The following TBC1D1 variants were observed in gnomAD, a reference collection of about 807,000 sequenced individuals.
TBC1D1 encodes the protein TBC1 domain family member 1, also known as TBC1 (tre-2/USP6, BUB2, cdc16) domain family, member 1.
In TBC1D1, 89 loss-of-function variants were observed where a neutral mutation model predicts 125.6. The ratio of observed to expected loss-of-function variants is 0.71; its 90% confidence interval spans 0.60 to 0.85. The LOEUF (loss-of-function observed/expected upper bound fraction) is 0.85, where lower values mean the gene tolerates loss of function less well. TBC1D1 is among the 40% of genes least tolerant of loss of function. TBC1D1 has a pLI of 0.00. For synonymous variants in TBC1D1, 565 were observed against 564.1 expected, an observed-to-expected ratio of 1.00 and a Z score of -0.02; for missense variants, 1,377 against 1,469.2, an observed-to-expected ratio of 0.94 and a Z score of 1.03.
chr4:38,032,751 C>T (rs543934347), intron 7 of TBC1D1, among the ~76,000 whole-genome samples: 3 of 150,346 alleles, frequency 2.0e-5, no homozygotes, highest in South Asian at 2.1e-4. Flanking sequence ...AGGAGAATGG[C>T]GTGAACCTGG....
At chr4:37,968,924 C>A (rs1436669530) in intron 2 of TBC1D1, among the ~76,000 whole-genome samples, 2 of 152,120 alleles carry the variant, frequency 1.3e-5, no homozygotes, top group African/African-American at 4.8e-5. Context: ...CAAGTCTCTG[C>A]CCAGCTAGTA....
intron 7 of TBC1D1, among the ~76,000 whole-genome samples, chr4:38,031,454 C>CT (rs955725540): frequency 2.0e-5 from 3 of 152,072 alleles, no homozygotes; most frequent in African/African-American, 2.4e-5. Flanking sequence ...AGACTGAAAA[C>CT]TTTAAGTTTT....
intron 14 of TBC1D1, among the ~76,000 whole-genome samples, chr4:38,101,647 C>T (rs1473107336): frequency 6.6e-6 from 1 of 152,198 alleles, no homozygotes; most frequent in African/African-American, 2.4e-5. Flanking sequence ...CCTCTGGGCT[C>T]TTCTTGCAGC....
chr4:38,021,127 G>A (rs1039286265), intron 5 of TBC1D1, among the ~76,000 whole-genome samples: 16 of 152,208 alleles, frequency 1.1e-4, no homozygotes, highest in East Asian at 3.9e-4. Flanking sequence ...CAATCATGGC[G>A]GAAGGTGAAG....
At chr4:38,087,325 T>A (rs1010447280) in intron 12 of TBC1D1, among the ~76,000 whole-genome samples, 1 of 152,210 alleles carries the variant, frequency 6.6e-6, no homozygotes, top group Non-Finnish European at 1.5e-5. Context: ...GTAGCCCAAG[T>A]GGCAGAGAGT....
At position 37,954,301 on chromosome 4, in the gene TBC1D1, C is replaced by T. The variant is rs977000608; in HGVS notation, c.417+51789C>T. Among the ~76,000 whole-genome samples the T allele has an allele frequency of 2.6e-5, 4 of 151,844 alleles. No individual in the cohort carries two copies. The East Asian group carries it at 7.7e-4, about 29-fold the overall frequency. ...GACTTTTTTTTCTCTTTTAACCTTT[C>T]CTATGGTACTGAACATGTTGACTTT... On this transcript the variant is annotated intron_variant, in intron 2 of 19. Transcript: ENST00000261439.
intron 10 of TBC1D1, among the ~76,000 whole-genome samples, chr4:38,048,769 A>T (rs1181149707): frequency 1.3e-5 from 2 of 152,186 alleles, no homozygotes; most frequent in Non-Finnish European, 2.9e-5. Flanking sequence ...TATATTGGCC[A>T]CTAGCCACGT....
chr4:38,012,331 A>T (rs950972479), intron 2 of TBC1D1, among the ~76,000 whole-genome samples: 2 of 152,072 alleles, frequency 1.3e-5, no homozygotes, highest in Non-Finnish European at 2.9e-5. Context: ...CCCAGGCTGG[A>T]GTGCAGTGGT....
intron 12 of TBC1D1, among the ~76,000 whole-genome samples, chr4:38,076,213 A>T (rs576446193): frequency 6.6e-6 from 1 of 152,320 alleles, no homozygotes; most frequent in Admixed American, 6.5e-5. Context: ...AGGAGAGAGA[A>T]GTGCCGAGCA....
intron 2 of TBC1D1, among the ~76,000 whole-genome samples, chr4:37,963,089 T>A (rs2152334648): frequency 6.6e-6 from 1 of 152,304 alleles, no homozygotes; most frequent in Admixed American, 6.5e-5. Flanking sequence ...TCTGCTACAG[T>A]CCATAAAAAT....
chr4:37,968,905 T>C (rs1258152142), intron 2 of TBC1D1, among the ~76,000 whole-genome samples: 1 of 152,200 alleles, frequency 6.6e-6, no homozygotes, highest in Non-Finnish European at 1.5e-5. Flanking sequence ...AAGTGATGCT[T>C]GTGTGTACCA....
chr4:38,030,572 A>G (rs1222218927), intron 7 of TBC1D1: 1 of 152,234 alleles, frequency 6.6e-6, no homozygotes, highest in African/African-American at 2.4e-5. Context: ...GTTTTATAAA[A>G]CATTTTATAA....
chr4:38,125,209 C>A, intron 18 of TBC1D1, 78 bp downstream of exon 20: 1 of 1,407,542 alleles, frequency 7.1e-7, no homozygotes, highest in Non-Finnish European at 9.8e-7. Flanking sequence ...TGAGCAGGAA[C>A]TGTTTCCTAC....
chr4:38,054,438 C>T, intron 12 of TBC1D1, 100 bp downstream of exon 14: 1 of 1,477,586 alleles, frequency 6.8e-7, no homozygotes. Flanking sequence ...CCGTCCTCTT[C>T]AGTATTGGCA....
In TBC1D1 at chr4:38,118,371, T is replaced by C. The variant is rs1763313391; in HGVS notation, c.2962+179T>C. 6 of 640,558 alleles carry C rather than the reference T, an allele frequency of 9.4e-6. No individual in the cohort carries two copies. The South Asian group carries it at 1.2e-4, about 13-fold the overall frequency. 39.7% of individuals were successfully genotyped at this position (640,558 alleles called of 1,614,324 possible). A position where few individuals can be genotyped will look rare whatever the true frequency, so the allele number is the denominator to read the frequency against. ...TTGTGACTTTGGAGTCCTCCTTAAC[T>C]TCTGATAATCACGGGGCTTCCCTAG... is the stretch of plus-strand genomic sequence containing the variant. On this transcript the variant is annotated intron_variant, in intron 17 of 19. Coordinates refer to ENST00000261439, the MANE Select transcript of TBC1D1 (RefSeq NM_015173.4).
At chr4:38,117,456 C>T (rs981975385) in intron 16 of TBC1D1, among the ~76,000 whole-genome samples, 2 of 152,178 alleles carry the variant, frequency 1.3e-5, no homozygotes, top group African/African-American at 4.8e-5. Context: ...GTTTTTATTT[C>T]ATCTTAAGAT....
intron 2 of TBC1D1, among the ~76,000 whole-genome samples, chr4:37,909,545 G>T (rs562084892): frequency 1.3e-5 from 2 of 151,946 alleles, no homozygotes; most frequent in Non-Finnish European, 1.5e-5. Context: ...TTCTTTCTTC[G>T]CTAGAGTGAA....
At chr4:38,106,832 G>T (rs745715601) in intron 15 of TBC1D1, among the ~76,000 whole-genome samples, 7 of 152,166 alleles carry the variant, frequency 4.6e-5, no homozygotes, top group Non-Finnish European at 1.0e-4. Context: ...GGCACTGTGT[G>T]TGCCTGAGCC....
Position 38,138,938 on chromosome 4 carries a change from G to C in TBC1D1, c.*1603G>C, listed in dbSNP as rs535893279. ...AGACTTCCTCCTGTTCCCTGGGTCA[G>C]AGGATAGCGGTTTCCATCATAAACC... On this transcript the variant is annotated 3_prime_UTR_variant, in exon 20 of 20. Transcript: ENST00000261439. The C allele has an allele frequency of 6.5e-6, 1 of 152,748 alleles. No homozygotes were observed. The highest frequency in any genetic ancestry group is 1.9e-4 in the East Asian group (1 of 5,190). 9.5% of individuals were successfully genotyped at this position (152,748 alleles called of 1,614,324 possible).
Sources: allele counts gnomAD v4.1 joint callset (sites outside exome capture counted in the v4.1 genomes callset), GRCh38; gene constraint gnomAD v4.1.1; transcripts MANE v1.5; gene names NCBI Gene and HGNC (gene_info 2026-07-23, HGNC 2026-07-21).